The following SLC38A9 variants were observed in gnomAD, a reference collection of about 807,000 sequenced individuals.
The protein encoded by SLC38A9 is solute carrier family 38 member 9.
SLC38A9 carries 48 observed loss-of-function variants against 62.3 expected under a neutral mutation model. The observed-to-expected ratio is 0.77, with a 90% CI of 0.61 to 0.98. The LOEUF (loss-of-function observed/expected upper bound fraction) is 0.98, where lower values mean the gene tolerates loss of function less well. SLC38A9 is among the 50% of genes least tolerant of loss of function. The pLI, the probability that SLC38A9 is intolerant of heterozygous loss-of-function variation, is 0.00. For synonymous variants in SLC38A9, 204 were observed against 227.7 expected, an observed-to-expected ratio of 0.90 and a Z score of 0.94; for missense variants, 541 against 679.8, an observed-to-expected ratio of 0.80 and a Z score of 2.27.
At chr5:55,698,013 ATTTAG>A in intron 2 of SLC38A9, 21 bp from the exon 3 acceptor site, 1 of 816,032 alleles carries the variant, frequency 1.2e-6, no homozygotes, top group Non-Finnish European at 2.0e-6. Context: ...AAGATAAATA[ATTTAG>A]TTTAATTTTA....
chr5:55,668,755 C>T (rs3846502), intron 7 of SLC38A9, among the ~76,000 whole-genome samples: 91,283 of 152,054 alleles, frequency 0.6, 27,996 homozygotes, highest in South Asian at 0.7. Context: ...TTTGTAGATA[C>T]GAGTAGAGGT....
chr5:55,710,964 A>G (rs1018444896), intron 2 of SLC38A9, among the ~76,000 whole-genome samples: 2 of 151,624 alleles, frequency 1.3e-5, no homozygotes, highest in African/African-American at 4.8e-5. Flanking sequence ...CCTATCCTAC[A>G]TATGTCAGAT....
chr5:55,654,862 G>T (rs1451960864), intron 9 of SLC38A9, among the ~76,000 whole-genome samples: 1 of 151,410 alleles, frequency 6.6e-6, no homozygotes, highest in Non-Finnish European at 1.5e-5. Flanking sequence ...TTTTTTTTGA[G>T]ACAGGATCTC....
chr5:55,680,020 A>T (rs1327037585), intron 3 of SLC38A9, among the ~76,000 whole-genome samples: 1 of 152,190 alleles, frequency 6.6e-6, no homozygotes, highest in African/African-American at 2.4e-5. Flanking sequence ...GCCAGTTATT[A>T]CTCTCCTCCT....
At chr5:55,652,800 C>T in intron 9 of SLC38A9, 77 bp from the exon 10 acceptor site, 2 of 1,209,002 alleles carry the variant, frequency 1.7e-6, no homozygotes, top group Non-Finnish European at 2.3e-6. Flanking sequence ...AAAATGACTG[C>T]CTCTAGAGAC....
At chr5:55,652,374 A>AAAAAG (rs1554055198) in intron 10 of SLC38A9, among the ~76,000 whole-genome samples, 155 bp downstream of exon 10, 12 of 150,524 alleles carry the variant, frequency 8.0e-5, no homozygotes, top group East Asian at 5.8e-4. Context: ...AAAAAAAAAA[A>AAAAAG]AAAGAAAGAA....
At chr5:55,704,817 T>A (rs566647960) in intron 2 of SLC38A9, among the ~76,000 whole-genome samples, 1 of 152,342 alleles carries the variant, frequency 6.6e-6, no homozygotes, top group South Asian at 2.1e-4. Context: ...ATTGCCTGGA[T>A]GTGAATCTTG....
intron 11 of SLC38A9, among the ~76,000 whole-genome samples, chr5:55,648,557 T>C (rs1335592358): frequency 6.6e-6 from 1 of 152,104 alleles, no homozygotes; most frequent in Non-Finnish European, 1.5e-5. Flanking sequence ...TTGCATTACA[T>C]GTATTTGAGA....
intron 3 of SLC38A9, among the ~76,000 whole-genome samples, chr5:55,684,970 G>C (rs555862688): frequency 3.9e-5 from 6 of 152,176 alleles, no homozygotes. Flanking sequence ...TCTGTTTTAA[G>C]CCTCTCAGCT....
At chr5:55,708,450 C>T (rs766547945) in intron 2 of SLC38A9, among the ~76,000 whole-genome samples, 11 of 152,184 alleles carry the variant, frequency 7.2e-5, no homozygotes, top group Non-Finnish European at 4.4e-5. Flanking sequence ...TGATTATTGG[C>T]GTATCTCAAA....
At chr5:55,685,035 C>A (rs1753566068) in intron 3 of SLC38A9, among the ~76,000 whole-genome samples, 1 of 152,192 alleles carries the variant, frequency 6.6e-6, no homozygotes, top group Non-Finnish European at 1.5e-5. Context: ...TCCTTTCTGG[C>A]TTTGTCTTCT....
intron 12 of SLC38A9, among the ~76,000 whole-genome samples, chr5:55,641,790 T>G (rs1355468216): frequency 6.6e-6 from 1 of 152,164 alleles, no homozygotes; most frequent in East Asian, 1.9e-4. Context: ...TTGAAAGAAG[T>G]TATGTGATTG....
In SLC38A9 at chr5:55,669,626, AAC is replaced by A. The variant is rs754902097; in HGVS notation, c.369-8_369-7del. 106 of 1,607,558 alleles carry A rather than the reference AAC, an allele frequency of 6.6e-5. No individual in the cohort carries two copies. The highest frequency in any genetic ancestry group is 1.7e-4 in the South Asian group (15 of 90,016). On this transcript the variant is annotated splice_region_variant and splice_polypyrimidine_tract_variant and intron_variant, in intron 5 of 15. Transcript: ENST00000396865. ...TGGTATTCCAAATCATAAAACTGAA[AAC>A]ACAGAGTAATAGCAGTAAAAAAATG...
chr5:55,691,044 CATT>C (rs1448191614), intron 3 of SLC38A9: 2 of 630,984 alleles, frequency 3.2e-6, no homozygotes, highest in Admixed American at 2.5e-5. Context: ...CGCTAGAGGA[CATT>C]ATAAAAAAGA....
intron 2 of SLC38A9, among the ~76,000 whole-genome samples, chr5:55,705,101 T>C (rs931367321): frequency 2.6e-5 from 4 of 152,180 alleles, no homozygotes; most frequent in Non-Finnish European, 5.9e-5. Context: ...TGTATTGCCT[T>C]AACTTAGCGG....
intron 12 of SLC38A9, among the ~76,000 whole-genome samples, chr5:55,639,666 T>G (rs73123895): frequency 0.049 from 7,462 of 152,190 alleles, 312 homozygotes; most frequent in African/African-American, 0.12. Context: ...GAAACTTGCT[T>G]AAAGGTATAA....
Position 55,677,797 on chromosome 5 carries a change from G to A in SLC38A9, c.114-5102C>T, listed in dbSNP as rs145372673. ...TCCTGCCTCTGTCTCCCAAAATGCT[G>A]GAATTACAGGTGTGAGCCAACATGC... On this transcript the variant is annotated intron_variant, in intron 3 of 15. Coordinates refer to ENST00000396865, the MANE Select transcript of SLC38A9 (RefSeq NM_173514.4). 6.2e-4 allele frequency among the ~76,000 whole-genome samples: 94 copies of A among 151,734 alleles called. 1 individual carries two copies. The highest frequency in any genetic ancestry group is 2.2e-3 in the African/African-American group (92 of 41,364).
chr5:55,700,138 C>T (rs1311878321), intron 2 of SLC38A9, among the ~76,000 whole-genome samples: 13 of 151,876 alleles, frequency 8.6e-5, no homozygotes, highest in Non-Finnish European at 1.6e-4. Context: ...GTCAGGAATT[C>T]GAGACCTGCC....
intron 8 of SLC38A9, among the ~76,000 whole-genome samples, chr5:55,657,704 A>G (rs536954903): frequency 1.3e-5 from 2 of 152,318 alleles, no homozygotes; most frequent in Non-Finnish European, 2.9e-5. Flanking sequence ...ATTCTGTTTG[A>G]TATTAACCTT....
Sources: allele counts gnomAD v4.1 joint callset (sites outside exome capture counted in the v4.1 genomes callset), GRCh38; gene constraint gnomAD v4.1.1; transcripts MANE v1.5; gene names NCBI Gene and HGNC (gene_info 2026-07-23, HGNC 2026-07-21).